The following ALK variants were observed in gnomAD, a reference collection of about 807,000 sequenced individuals.
ALK encodes the protein ALK receptor tyrosine kinase.
Under a neutral mutation model 163.1 loss-of-function variants are expected in ALK, and 74 were observed. That is an observed-to-expected ratio of 0.45 (90% CI 0.38 to 0.55). The LOEUF (loss-of-function observed/expected upper bound fraction) is 0.55. ALK is among the 20% of genes least tolerant of loss of function. ALK has a pLI of 0.00. For synonymous variants in ALK, 960 were observed against 843.2 expected, an observed-to-expected ratio of 1.14 and a Z score of -2.40; for missense variants, 2,063 against 2,105.3, an observed-to-expected ratio of 0.98 and a Z score of 0.39.
At chr2:29,617,868 G>A (rs1402677517) in intron 3 of ALK, among the ~76,000 whole-genome samples, 1 of 152,192 alleles carries the variant, frequency 6.6e-6, no homozygotes, top group African/African-American at 2.4e-5. Context: ...CTCTCCCAGG[G>A]ATCAACAGAC....
chr2:29,465,569 C>G (rs1671191709), intron 4 of ALK, among the ~76,000 whole-genome samples: 1 of 152,046 alleles, frequency 6.6e-6, no homozygotes, highest in East Asian at 1.9e-4. Flanking sequence ...TGGTGTGTGC[C>G]TGTAATCCCA....
At chr2:29,276,083 G>A (rs937698582) in intron 9 of ALK, among the ~76,000 whole-genome samples, 1 of 152,168 alleles carries the variant, frequency 6.6e-6, no homozygotes, top group African/African-American at 2.4e-5. Flanking sequence ...CTTCCCTGCT[G>A]CCCCGACCCC....
chr2:29,482,207 C>T (rs1239989796), intron 4 of ALK, among the ~76,000 whole-genome samples: 1 of 152,138 alleles, frequency 6.6e-6, no homozygotes, highest in African/African-American at 2.4e-5. Flanking sequence ...AGAGATATTG[C>T]TAGGGGTAGG....
chr2:29,701,295 T>G (rs780469077), intron 2 of ALK, among the ~76,000 whole-genome samples: 9 of 152,172 alleles, frequency 5.9e-5, no homozygotes, highest in Non-Finnish European at 1.3e-4. Flanking sequence ...TAAATCACCT[T>G]GGGTCAGTTT....
At chr2:29,352,356 C>T (rs970241757) in intron 5 of ALK, among the ~76,000 whole-genome samples, 4 of 152,206 alleles carry the variant, frequency 2.6e-5, no homozygotes, top group Non-Finnish European at 4.4e-5. Flanking sequence ...TAATACTTGC[C>T]GGAGCCAAGC....
chr2:29,269,172 A>C (rs562571271), intron 11 of ALK, among the ~76,000 whole-genome samples: 1 of 152,338 alleles, frequency 6.6e-6, no homozygotes, highest in East Asian at 1.9e-4. Flanking sequence ...GAGACACTGA[A>C]TGAGCTTAGT....
Position 29,275,496 on chromosome 2 carries a change from C to T in ALK, c.1818G>A (p.Arg606=), listed in dbSNP as rs754157689. The T allele has an allele frequency of 6.2e-7, 1 of 1,614,026 alleles. No homozygotes were observed. Among genetic ancestry groups the T allele is most frequent in the Non-Finnish European group, 8.5e-7 (1 of 1,179,960 alleles). Residue 606 remains arginine (R), a splice_region_variant and synonymous_variant, in exon 10 of 29, where the codon AGG becomes AGA. Transcript: ENST00000389048. ...MVLPLLDVSD[R]FWLQMVAWWG... ...ACCATGCGACCATCTGCAGCCAGAA[C>T]CTGTACACATCAAGAGGAATGTGTG...
At chr2:29,769,997 G>A (rs1180480694) in intron 1 of ALK, among the ~76,000 whole-genome samples, 5 of 152,168 alleles carry the variant, frequency 3.3e-5, no homozygotes, top group Non-Finnish European at 5.9e-5. Context: ...TGGGAGGGAC[G>A]AGAAACTAAG....
At chr2:29,592,220 C>G (rs1175284676) in intron 3 of ALK, among the ~76,000 whole-genome samples, 1 of 152,130 alleles carries the variant, frequency 6.6e-6, no homozygotes, top group East Asian at 1.9e-4. Flanking sequence ...TCCTCTTAAT[C>G]CTCATCCTTT....
At chr2:29,632,179 T>G (rs1340378586) in intron 3 of ALK, among the ~76,000 whole-genome samples, 1 of 152,156 alleles carries the variant, frequency 6.6e-6, no homozygotes, top group Non-Finnish European at 1.5e-5. Flanking sequence ...GTGCAGAGCT[T>G]TGCACAAAGT....
intron 8 of ALK, among the ~76,000 whole-genome samples, chr2:29,300,199 G>T (rs549968701): frequency 2.2e-5 from 2 of 88,936 alleles, no homozygotes; most frequent in Admixed American, 1.4e-4. Flanking sequence ...AGAAGCTGCC[G>T]GTATCTTGAG....
In ALK at chr2:29,443,249, C is replaced by A. The variant is rs186736201; in HGVS notation, c.1155-59390G>T. Among the ~76,000 whole-genome samples the A allele has an allele frequency of 1.3e-3, 194 of 152,312 alleles. 1 individual carries two copies. The highest frequency in any genetic ancestry group is 4.5e-3 in the African/African-American group (188 of 41,566). On this transcript the variant is annotated intron_variant, in intron 4 of 28. Coordinates refer to ENST00000389048, the MANE Select transcript of ALK (RefSeq NM_004304.5). ...TGTGAGCCAAGGCCATGGTGCCTGC[C>A]AGGGAGCAGGTGTCCCTGAGAATGC...
At chr2:29,258,967 A>G (rs1406240) in intron 11 of ALK, among the ~76,000 whole-genome samples, 7,357 of 152,262 alleles carry the variant, frequency 0.048, 216 homozygotes, top group Non-Finnish European at 0.073. Flanking sequence ...GTATATCAGT[A>G]TAAACATACA....
intron 26 of ALK, among the ~76,000 whole-genome samples, chr2:29,203,485 C>CATTTTTTTT (rs1669232066): frequency 3.1e-5 from 1 of 32,544 alleles, no homozygotes; most frequent in Non-Finnish European, 5.2e-5. Context: ...GAGGATGTGC[C>CATTTTTTTT]TTTTTTTTTT....
At chr2:29,545,419 C>G (rs1371826934) in intron 3 of ALK, among the ~76,000 whole-genome samples, 1 of 152,210 alleles carries the variant, frequency 6.6e-6, no homozygotes, top group East Asian at 1.9e-4. Context: ...AGAATTTTGA[C>G]ATTTAGAATA....
At chr2:29,834,786 C>T (rs1324348628) in intron 1 of ALK, among the ~76,000 whole-genome samples, 1 of 152,184 alleles carries the variant, frequency 6.6e-6, no homozygotes, top group East Asian at 1.9e-4. Context: ...AGAAGTCTTT[C>T]CACATTAGTC....
intron 3 of ALK, among the ~76,000 whole-genome samples, chr2:29,589,730 C>T (rs1453163464): frequency 2.0e-5 from 3 of 152,214 alleles, no homozygotes; most frequent in African/African-American, 7.2e-5. Flanking sequence ...GGAAGTTACA[C>T]TATCCCCATT....
intron 4 of ALK, among the ~76,000 whole-genome samples, chr2:29,414,228 A>G (rs997893200): frequency 4.6e-5 from 7 of 152,226 alleles, no homozygotes; most frequent in Non-Finnish European, 1.0e-4. Context: ...CTATATTGAA[A>G]GAACCCCTTA....
intron 1 of ALK, among the ~76,000 whole-genome samples, chr2:29,904,754 T>C (rs1408670368): frequency 6.6e-6 from 1 of 152,224 alleles, no homozygotes; most frequent in Non-Finnish European, 1.5e-5. Context: ...TCTGCTTCCT[T>C]AACACAATGT....
Sources: allele counts gnomAD v4.1 joint callset (sites outside exome capture counted in the v4.1 genomes callset), GRCh38; gene constraint gnomAD v4.1.1; transcripts MANE v1.5; gene names NCBI Gene and HGNC (gene_info 2026-07-23, HGNC 2026-07-21).